CNKSR3: variants seen among roughly 807,000 people sequenced by gnomAD.
The protein encoded by CNKSR3 is CNKSR family member 3.
Under a neutral mutation model 67.7 loss-of-function variants are expected in CNKSR3, and 36 were observed. The observed-to-expected ratio is 0.53, with a 90% CI of 0.41 to 0.70. The LOEUF (loss-of-function observed/expected upper bound fraction) is 0.70, where lower values mean the gene tolerates loss of function less well. Ranked by LOEUF, CNKSR3 falls within the 30% of genes least tolerant of loss-of-function variation. The pLI is 0.00. For missense variants in CNKSR3, 630 were observed against 695.2 expected, an observed-to-expected ratio of 0.91 and a Z score of 1.05; for synonymous variants, 281 against 271.4, an observed-to-expected ratio of 1.04 and a Z score of -0.35.
At chr6:154,476,258 A>C (rs1786446561) in intron 1 of CNKSR3, among the ~76,000 whole-genome samples, 1 of 152,082 alleles carries the variant, frequency 6.6e-6, no homozygotes, top group Non-Finnish European at 1.5e-5. Context: ...GGAGTTCAAG[A>C]CCAGCCTGGC....
intron 1 of CNKSR3, among the ~76,000 whole-genome samples, chr6:154,487,241 G>A (rs1786693530): frequency 6.6e-6 from 1 of 152,324 alleles, no homozygotes; most frequent in East Asian, 1.9e-4. Context: ...CCCGTTGGAA[G>A]ATGTGATTTT....
At chr6:154,432,282 C>CTTGGG (rs1384337826) in intron 5 of CNKSR3, among the ~76,000 whole-genome samples, 2 of 152,152 alleles carry the variant, frequency 1.3e-5, no homozygotes, top group Non-Finnish European at 2.9e-5. Flanking sequence ...TCTTCATAGG[C>CTTGGG]TTATTTGCCA....
intron 2 of CNKSR3, among the ~76,000 whole-genome samples, chr6:154,444,988 T>C (rs1285277752): frequency 4.0e-5 from 6 of 151,506 alleles, no homozygotes; most frequent in African/African-American, 1.5e-4. Flanking sequence ...ACATAAAGCA[T>C]AAATATACTC....
chr6:154,410,882 G>C (rs1784895298), intron 11 of CNKSR3, 52 bp downstream of exon 11: 2 of 1,415,662 alleles, frequency 1.4e-6, no homozygotes, highest in Non-Finnish European at 2.0e-6. Context: ...GCAGGGGGCG[G>C]GGAGGAGAAG....
rs1784768153 is a variant in CNKSR3, at chr6:154,405,473, A to G, written c.*881T>C. The stretch of plus-strand genomic sequence containing the variant: ...TAGTGACCATGAGGCTTTCCAAGAT[A>G]TTTCTAATTAGCAAACTGTGTACAA... On this transcript the variant is annotated 3_prime_UTR_variant, in exon 13 of 13. Coordinates refer to ENST00000607772, the MANE Select transcript of CNKSR3 (RefSeq NM_173515.4). 1 of 152,462 alleles carries G rather than the reference A, an allele frequency of 6.6e-6. No homozygotes were observed. Among genetic ancestry groups the G allele is most frequent in the Non-Finnish European group, 1.5e-5 (1 of 68,046 alleles). 9.4% of individuals were successfully genotyped at this position (152,462 alleles called of 1,614,324 possible). A position where few individuals can be genotyped will look rare whatever the true frequency, so the allele number is the denominator to read the frequency against.
At position 154,398,403 on chromosome 6, in the gene CNKSR3, C is replaced by G. The variant is rs888114252; in HGVS notation, c.*7951G>C. On this transcript the variant is annotated 3_prime_UTR_variant, in exon 13 of 13. Coordinates refer to ENST00000607772, the MANE Select transcript of CNKSR3 (RefSeq NM_173515.4). ...CATTTTTTACTTCCCTTTGTCTCTC[C>G]CATAGCTTCTCTTTCCTTTTCACTT... is the stretch of plus-strand genomic sequence containing the variant. The G allele has an allele frequency of 2.6e-5, 4 of 152,196 alleles. No homozygotes were observed. The highest frequency in any genetic ancestry group is 5.9e-5 in the Non-Finnish European group (4 of 68,042). The allele number at this position is 152,196 out of a possible 1,614,324, so 9.4% of individuals were successfully genotyped here.
At chr6:154,454,199 A>G (rs6557355) in intron 1 of CNKSR3, among the ~76,000 whole-genome samples, 103,194 of 150,270 alleles carry the variant, frequency 0.69, 35,755 homozygotes, top group East Asian at 0.87. Flanking sequence ...GGTAACCTGG[A>G]GCAAGTTACT....
rs1394907515 is a variant in CNKSR3 at position 154,442,121 on chromosome 6, C to A, written c.386G>T (p.Gly129Val). The change falls in exon 3 of 13, where the codon GGC (glycine) becomes GTC (valine). Residue 129 changes from glycine (G) to valine (V), a missense_variant. This residue lies in a region of CNKSR3 where 189 missense variants were observed against 205.0 expected (regional missense o/e 0.92). Transcript: ENST00000607772. ...EFLTSVVELI[G>V]AAKALLAWLD... ...CCACGCCAGCAGGGCCTTGGCGGCG[C>A]CGATGAGCTCCACCACCGAGGTCAG... 6 of 1,611,858 alleles carry A rather than the reference C, an allele frequency of 3.7e-6. No homozygotes were observed. Among genetic ancestry groups the A allele is most frequent in the Non-Finnish European group, 5.1e-6 (6 of 1,178,132 alleles).
intron 1 of CNKSR3, among the ~76,000 whole-genome samples, chr6:154,494,416 G>A (rs1402766664): frequency 2.6e-5 from 4 of 152,148 alleles, no homozygotes; most frequent in African/African-American, 9.7e-5. Flanking sequence ...ATGAGATTTG[G>A]TTGGGGACAC....
intron 8 of CNKSR3, 55 bp from the exon 9 acceptor site, chr6:154,422,707 C>A (rs577525341): frequency 6.3e-7 from 1 of 1,588,026 alleles, no homozygotes; most frequent in South Asian, 1.1e-5. Context: ...CGAAAAAAAC[C>A]GAACCTATGA....
rs1039993336 is a variant in CNKSR3 at position 154,405,517 on chromosome 6, A to C, written c.*837T>G. On this transcript the variant is annotated 3_prime_UTR_variant, in exon 13 of 13. Coordinates refer to ENST00000607772, the MANE Select transcript of CNKSR3 (RefSeq NM_173515.4). ...TGTACAATTTTGAAGAAGTGTACAC[A>C]CCGTGCTGGAAGACAGACACTGAAC... The C allele has an allele frequency of 6.6e-6, 1 of 152,282 alleles. No individual in the cohort carries two copies. Among genetic ancestry groups the C allele is most frequent in the East Asian group, 1.9e-4 (1 of 5,202 alleles). 9.4% of individuals were successfully genotyped at this position (152,282 alleles called of 1,614,324 possible).
rs1236331820 is a variant in CNKSR3, at chr6:154,481,168, T to C, written c.52+28895A>G. Reference sequence around the variant, plus strand: ...TTATCTATTTTATTTATAGCAGTCTTATGCTTATTTGATAGCAGTCAGTTC... The same window carrying C: ...TTATCTATTTTATTTATAGCAGTCTCATGCTTATTTGATAGCAGTCAGTTC... On this transcript the variant is annotated intron_variant, in intron 1 of 12. Transcript: ENST00000607772. 5.3e-5 allele frequency among the ~76,000 whole-genome samples: 8 copies of C among 152,160 alleles called. 1 individual carries two copies. The highest frequency in any genetic ancestry group is 1.7e-4 in the African/African-American group (7 of 41,478).
At chr6:154,450,024 C>T in intron 2 of CNKSR3, 71 bp downstream of exon 2, 4 of 1,430,546 alleles carry the variant, frequency 2.8e-6, no homozygotes, top group Non-Finnish European at 2.8e-6. Flanking sequence ...AAATCACAAA[C>T]AATGACGGCT....
chr6:154,410,904 G>T, intron 11 of CNKSR3, 30 bp downstream of exon 11: 1 of 1,571,188 alleles, frequency 6.4e-7, no homozygotes, highest in South Asian at 1.2e-5. Flanking sequence ...CAAGGCCAAC[G>T]GCAGAACAAA....
At chr6:154,506,532 C>T (rs578220899) in intron 1 of CNKSR3, among the ~76,000 whole-genome samples, 10 of 152,318 alleles carry the variant, frequency 6.6e-5, no homozygotes, top group South Asian at 2.1e-4. Flanking sequence ...CATGAGACTC[C>T]CTTCTGCCTG....
At chr6:154,428,683 T>C (rs1785303633) in intron 6 of CNKSR3, among the ~76,000 whole-genome samples, 2 of 114,614 alleles carry the variant, frequency 1.7e-5, no homozygotes, top group Admixed American at 1.7e-4. Context: ...CACACCCAGC[T>C]AATTATTTTT....
intron 2 of CNKSR3, among the ~76,000 whole-genome samples, chr6:154,447,245 C>T (rs1743924296): frequency 6.6e-6 from 1 of 152,152 alleles, no homozygotes; most frequent in African/African-American, 2.4e-5. Context: ...TGTCCAATAT[C>T]GTAGCCACTA....
intron 1 of CNKSR3, among the ~76,000 whole-genome samples, chr6:154,493,211 A>G (rs1786816404): frequency 1.3e-5 from 2 of 152,078 alleles, no homozygotes; most frequent in Admixed American, 6.6e-5. Context: ...TGTCAAGAAC[A>G]TTCTTCCCCC....
chr6:154,423,392 T>C (rs1785187618), intron 7 of CNKSR3, among the ~76,000 whole-genome samples: 1 of 152,080 alleles, frequency 6.6e-6, no homozygotes, highest in Non-Finnish European at 1.5e-5. Flanking sequence ...GCCTCCCGAG[T>C]AGCTGAGATT....
Sources: allele counts gnomAD v4.1 joint callset (sites outside exome capture counted in the v4.1 genomes callset), GRCh38; gene constraint gnomAD v4.1.1; regional missense constraint gnomAD v4.1.1; transcripts MANE v1.5; gene names NCBI Gene and HGNC (gene_info 2026-07-23, HGNC 2026-07-21).